CPEB1: variants seen among roughly 807,000 people sequenced by gnomAD.
CPEB1 encodes cytoplasmic polyadenylation element binding protein 1, also known as cytoplasmic polyadenylation element-binding protein 1.
A neutral mutation model predicts 65.8 loss-of-function variants in CPEB1; 7 were observed. That is an observed-to-expected ratio of 0.11 (90% CI 0.06 to 0.20). CPEB1 has a LOEUF of 0.20. CPEB1 is among the 10% of genes least tolerant of loss of function. The pLI is 1.00. For missense variants in CPEB1, 551 were observed against 712.2 expected (o/e 0.77, Z 2.58); for synonymous variants, 262 against 260.0 (o/e 1.01, Z -0.08).
chr15:82,554,882 A>G (rs991213523), intron 6 of CPEB1, among the ~76,000 whole-genome samples: 5 of 152,246 alleles, frequency 3.3e-5, no homozygotes, highest in Non-Finnish European at 5.9e-5. Context: ...GGTCTCATCC[A>G]AAAGCATGGT....
intron 3 of CPEB1, among the ~76,000 whole-genome samples, chr15:82,610,932 T>C (rs1359763040): frequency 8.8e-6 from 1 of 113,450 alleles, no homozygotes; most frequent in Admixed American, 1.3e-4. Flanking sequence ...CACTTCAGCC[T>C]TGGGGACAGA....
chr15:82,570,896 C>T (rs2039926447), intron 4 of CPEB1, among the ~76,000 whole-genome samples: 1 of 152,188 alleles, frequency 6.6e-6, no homozygotes, highest in African/African-American at 2.4e-5. Context: ...TCAGAGACCA[C>T]TCACTCTTCA....
intron 4 of CPEB1, among the ~76,000 whole-genome samples, chr15:82,569,366 T>A (rs993912890): frequency 1.3e-5 from 2 of 152,088 alleles, no homozygotes; most frequent in South Asian, 4.1e-4. Flanking sequence ...AAGGAAAACA[T>A]ACCCACACTA....
At chr15:82,590,185 C>T (rs1340158827) in intron 3 of CPEB1, among the ~76,000 whole-genome samples, 1 of 130,684 alleles carries the variant, frequency 7.7e-6, no homozygotes, top group Non-Finnish European at 1.5e-5. Context: ...TAGTCTTTTC[C>T]TATGTGTCCC....
chr15:82,548,204 G>A (rs1003622960), intron 10 of CPEB1, among the ~76,000 whole-genome samples: 14 of 151,928 alleles, frequency 9.2e-5, no homozygotes, highest in East Asian at 3.9e-4. Context: ...GCGTGGTGGC[G>A]CACACCTGTA....
chr15:82,610,588 A>G (rs1399402338), intron 3 of CPEB1, among the ~76,000 whole-genome samples: 2 of 152,164 alleles, frequency 1.3e-5, no homozygotes, highest in Admixed American at 6.5e-5. Flanking sequence ...GATCATCTCA[A>G]TGGACACAGA....
chr15:82,551,828 C>A (rs891500873), intron 9 of CPEB1, among the ~76,000 whole-genome samples: 1 of 152,098 alleles, frequency 6.6e-6, no homozygotes, highest in African/African-American at 2.4e-5. Context: ...TAAATTCCAC[C>A]CAGAGTGATT....
intron 1 of CPEB1, among the ~76,000 whole-genome samples, chr15:82,630,671 C>T (rs1165333430): frequency 2.0e-5 from 3 of 151,938 alleles, no homozygotes; most frequent in Non-Finnish European, 2.9e-5. Context: ...CAGACTACAA[C>T]GTGCTGTAAA....
chr15:82,616,581 C>T lies in CPEB1; in HGVS notation c.271+10612G>A, dbSNP rs571564184. On this transcript the variant is annotated intron_variant, in intron 3 of 12. Transcript: ENST00000684509. The stretch of plus-strand genomic sequence containing the variant: ...TGAGACGGAGTTTCGTTCTTGTCAT[C>T]GCCCAGACTGGAGTGCAGTGGCATG... Among the ~76,000 whole-genome samples the T allele has an allele frequency of 1.3e-3, 181 of 136,126 alleles. 2 individuals are homozygous for T. Among genetic ancestry groups the T allele is most frequent in the South Asian group, 8.7e-3 (38 of 4,364 alleles). The allele number at this position is 136,126 out of a possible 152,430, so 89.3% of individuals were successfully genotyped here. A position where few individuals can be genotyped will look rare whatever the true frequency, so the allele number is the denominator to read the frequency against.
chr15:82,637,869 GTAGGTCATATGAATA>G, intron 1 of CPEB1: 1 of 370,114 alleles, frequency 2.7e-6, no homozygotes, highest in Non-Finnish European at 5.4e-6. Flanking sequence ...TTTTGTGTAA[GTAGGTCATATGAATA>G]TTCACCCATT....
In CPEB1 at chr15:82,571,428, G is replaced by A; in HGVS notation, c.376C>T (p.Leu126=). The change falls in exon 4 of 13, where the codon CTG becomes TTG. Residue 126 remains leucine (L), a synonymous_variant. Coordinates refer to ENST00000684509, the MANE Select transcript of CPEB1 (RefSeq NM_001365242.1). Reference sequence around the variant, plus strand: ...CAGCCTGTCAGACTGAGGGACTGCAGGCCAAGGCACAAGTCATTTGCATCT... The same window carrying A: ...CAGCCTGTCAGACTGAGGGACTGCAAGCCAAGGCACAAGTCATTTGCATCT... ...LPDANDLCLG[L]QSLSLTGWDR... The A allele has an allele frequency of 1.2e-6, 2 of 1,614,136 alleles. No homozygotes were observed. The highest frequency in any genetic ancestry group is 1.7e-6 in the Non-Finnish European group (2 of 1,180,024).
At chr15:82,579,923 A>C (rs1162934160) in intron 3 of CPEB1, among the ~76,000 whole-genome samples, 1 of 25,554 alleles carries the variant, frequency 3.9e-5, no homozygotes, top group Admixed American at 3.5e-4. Context: ...CGTCTCAAAA[A>C]AAAAAAAAAA....
In CPEB1 at chr15:82,631,590, A is replaced by G. The variant is rs563730591; in HGVS notation, c.-97-3034T>C. Reference sequence around the variant, plus strand: ...ATGTAATTATGTGCTGAACCAACGAATACTGTCTATCAGTCGTATCATTAT... The same window carrying G: ...ATGTAATTATGTGCTGAACCAACGAGTACTGTCTATCAGTCGTATCATTAT... On this transcript the variant is annotated intron_variant, in intron 1 of 12. Transcript: ENST00000684509. Among the ~76,000 whole-genome samples, 4 of 152,268 alleles carry G rather than the reference A, an allele frequency of 2.6e-5. No individual in the cohort carries two copies. In the South Asian group the frequency reaches 6.2e-4, roughly 24 times the overall value.
At position 82,646,730 on chromosome 15, in the gene CPEB1, C is replaced by T. The variant is rs915533794; in HGVS notation, c.-98+407G>A. 2.6e-5 allele frequency among the ~76,000 whole-genome samples: 4 copies of T among 152,230 alleles called. No individual in the cohort carries two copies. The South Asian group carries it at 6.2e-4, about 24-fold the overall frequency. ...CTCCCTGGGTCCTCTAGGAATGAGG[C>T]AGCAAAGCCTCGGTCGACTCGACCG... is the stretch of plus-strand genomic sequence containing the variant. On this transcript the variant is annotated intron_variant, in intron 1 of 12. Coordinates refer to ENST00000684509, the MANE Select transcript of CPEB1 (RefSeq NM_001365242.1).
At chr15:82,627,487 C>T (rs2045871452) in intron 2 of CPEB1, 120 bp from the exon 3 acceptor site, 3 of 694,900 alleles carry the variant, frequency 4.3e-6, no homozygotes, top group Non-Finnish European at 6.9e-6. Flanking sequence ...TACATTAAAA[C>T]ACTTAATGAG....
At chr15:82,552,074 A>G (rs1276246407) in intron 9 of CPEB1, among the ~76,000 whole-genome samples, 3 of 152,238 alleles carry the variant, frequency 2.0e-5, no homozygotes, top group African/African-American at 7.2e-5. Context: ...GGGAGGTCAC[A>G]AGGCACAGGA....
chr15:82,640,248 C>G (rs778119406), intron 1 of CPEB1, among the ~76,000 whole-genome samples: 12 of 151,978 alleles, frequency 7.9e-5, no homozygotes, highest in Non-Finnish European at 1.8e-4. Context: ...CCTCAGCCTC[C>G]CCGGTAGCTG....
rs532441508 is a variant in CPEB1 at position 82,594,031 on chromosome 15, G to T, written c.272-22499C>A. ...TTTAGCATGTTTCTTAAGGGCCCTA[G>T]AATCTTCAGAATGGTCGGTAAGCAC... is the stretch of plus-strand genomic sequence containing the variant. On this transcript the variant is annotated intron_variant, in intron 3 of 12. Coordinates refer to ENST00000684509, the MANE Select transcript of CPEB1 (RefSeq NM_001365242.1). 3.9e-5 allele frequency among the ~76,000 whole-genome samples: 6 copies of T among 152,296 alleles called. No individual in the cohort carries two copies. The East Asian group carries it at 1.2e-3, about 29-fold the overall frequency.
intron 3 of CPEB1, among the ~76,000 whole-genome samples, chr15:82,604,166 T>C (rs868563531): frequency 2.0e-5 from 3 of 151,990 alleles, no homozygotes; most frequent in African/African-American, 7.3e-5. Flanking sequence ...CTGGGCAACA[T>C]AGCAAGGCTC....
Sources: gnomAD v4.1 joint callset for allele counts (sites outside exome capture counted in the v4.1 genomes callset) on GRCh38, gnomAD v4.1.1 for gene constraint, MANE v1.5 for transcripts, NCBI Gene and HGNC (gene_info 2026-07-23, HGNC 2026-07-21) for gene names.